TBX21: variants seen among roughly 807,000 people sequenced by gnomAD.
TBX21 encodes the protein T-box transcription factor TBX21.
A neutral mutation model predicts 52.2 loss-of-function variants in TBX21; 11 were observed. That is an observed-to-expected ratio of 0.21 (90% confidence interval 0.13 to 0.35). TBX21 has a LOEUF of 0.35. Among genes scored for constraint, TBX21 ranks in the 10% least tolerant of loss-of-function variants. The pLI is 1.00. For missense variants in TBX21, 625 were observed against 755.1 expected (o/e 0.83, Z 2.02); for synonymous variants, 300 against 316.1 (o/e 0.95, Z 0.54).
In TBX21 at chr17:47,733,653, C is replaced by A. The variant is rs2032167921; in HGVS notation, c.199C>A (p.Pro67Thr). ...CCCGGGGGGCGCCTTGGTGCCCGCCCCGCCGAGCCGCTTCCTTGGAGCCTA... is the reference window on the plus strand; with the variant it reads ...CCCGGGGGGCGCCTTGGTGCCCGCCACGCCGAGCCGCTTCCTTGGAGCCTA... ...PYPGGALVPA[P>T]PSRFLGAYAY... is the part of the protein sequence containing the mutation. Residue 67 changes from proline to threonine, a missense_variant, in exon 1 of 6, where the codon CCG becomes ACG. Pro to Thr is a conservative substitution (Grantham distance 38, BLOSUM62 -1). Around this residue, in one of 4 missense-constraint regions of TBX21, gnomAD observed 221 missense variants for 204.9 expected, o/e 1.08. Transcript: ENST00000177694. This position sits in a 1 kb window ranked among gnomAD's most constrained non-coding sequence, Gnocchi z 6.6. 1 of 1,451,034 alleles carries A rather than the reference C, an allele frequency of 6.9e-7. No individual in the cohort carries two copies. The highest frequency in any genetic ancestry group is 3.0e-5 in the East Asian group (1 of 32,808). The allele number at this position is 1,451,034 out of a possible 1,614,324, so 89.9% of individuals were successfully genotyped here.
intron 1 of TBX21, among the ~76,000 whole-genome samples, chr17:47,737,244 G>A (rs188548420): frequency 9.6e-4 from 146 of 152,268 alleles, no homozygotes; most frequent in African/African-American, 3.5e-3. Context: ...ATGTGTTGGC[G>A]AGTATATAAT....
chr17:47,741,924 A>T (rs559659832), intron 1 of TBX21, among the ~76,000 whole-genome samples: 23 of 152,334 alleles, frequency 1.5e-4, no homozygotes, highest in Admixed American at 1.4e-3. Context: ...CATGTGAGTC[A>T]TTGAACACAG....
Position 47,745,231 on chromosome 17 carries a change from A to G in TBX21, c.1473A>G (p.Gly491=), listed in dbSNP as rs779674937. 6.2e-7 allele frequency: 1 copy of G among 1,614,208 alleles called. No homozygotes were observed. The highest frequency in any genetic ancestry group is 8.5e-7 in the Non-Finnish European group (1 of 1,180,008). The change falls in exon 6 of 6, where the codon GGA becomes GGG. Residue 491 remains glycine, a synonymous_variant. Transcript: ENST00000177694. ...TCCGGCCGGAATCCAGTGATTCAGG[A>G]CTGGGCGAAGGAGACTCTAAGAGGA... ...APIRPESSDS[G]LGEGDSKRRR...
chr17:47,745,406 G>C lies in TBX21; in HGVS notation c.*40G>C. 1 of 1,538,136 alleles carries C rather than the reference G, an allele frequency of 6.5e-7. No individual in the cohort carries two copies. The highest frequency in any genetic ancestry group is 8.7e-7 in the Non-Finnish European group (1 of 1,144,984). ...GAAAGGAACAGAAACAGTGTTATTA[G>C]GTTGGAGGACACCGACTAATTTGGG... On this transcript the variant is annotated 3_prime_UTR_variant, in exon 6 of 6. Coordinates refer to ENST00000177694, the MANE Select transcript of TBX21 (RefSeq NM_013351.2).
rs912062714 is a variant in TBX21 at position 47,742,989 on chromosome 17, G to A, written c.647-82G>A. The A allele has an allele frequency of 9.5e-6, 15 of 1,574,012 alleles. No individual in the cohort carries two copies. The highest frequency in any genetic ancestry group is 5.9e-5 in the South Asian group (5 of 84,652). ...GTCCTCCCCCTGTGTCCTTCCTTAC[G>A]TCCCTCTCGGGACAGGCAAAGCCCT... is the stretch of plus-strand genomic sequence containing the variant. On this transcript the variant is annotated intron_variant, in intron 2 of 5. Coordinates refer to ENST00000177694, the MANE Select transcript of TBX21 (RefSeq NM_013351.2). This position sits in a 1 kb window ranked among gnomAD's most constrained non-coding sequence, Gnocchi z 4.4.
intron 3 of TBX21, 60 bp downstream of exon 3, chr17:47,743,252 C>G (rs2032287856): frequency 6.3e-7 from 1 of 1,599,460 alleles, no homozygotes; most frequent in South Asian, 1.1e-5. Flanking sequence ...TCTGAGACCT[C>G]CAAGGCCACA....
At chr17:47,741,208 G>C (rs1348039319) in intron 1 of TBX21, among the ~76,000 whole-genome samples, 1 of 151,926 alleles carries the variant, frequency 6.6e-6, no homozygotes, top group Non-Finnish European at 1.5e-5. Flanking sequence ...GCTGTAGATG[G>C]TGGTGCCCGT....
rs1567921851 is a variant in TBX21 at position 47,744,974 on chromosome 17, C to T, written c.1216C>T (p.Pro406Ser). The T allele has an allele frequency of 2.5e-6, 4 of 1,613,724 alleles. No homozygotes were observed. The highest frequency in any genetic ancestry group is 1.7e-5 in the Admixed American group (1 of 60,012). ...TGAGTTTCGAGCAGTCAGCATGAAG[C>T]CTGCATTCTTGCCCTCTGCCCCTGG... ...EAEFRAVSMK[P>S]AFLPSAPGPT... Residue 406 changes from proline to serine, a missense_variant, in exon 6 of 6, where the codon CCT becomes TCT. This residue lies in a region of TBX21 where 261 missense variants were observed against 275.1 expected (regional missense o/e 0.95). Coordinates refer to ENST00000177694, the MANE Select transcript of TBX21 (RefSeq NM_013351.2).
chr17:47,739,371 G>A (rs1367081936), intron 1 of TBX21, among the ~76,000 whole-genome samples: 1 of 151,660 alleles, frequency 6.6e-6, no homozygotes, highest in Non-Finnish European at 1.5e-5. Context: ...CTATAACCCC[G>A]CTCGGGTGAC....
In TBX21 at chr17:47,742,273, G is replaced by C. The variant is rs2032274656; in HGVS notation, c.492-337G>C. ...TTGTTGTACTTTTTAGTAGAGACGG[G>C]GTTTCGCCATGTTGGCCAGGCTGGT... is the stretch of plus-strand genomic sequence containing the variant. On this transcript the variant is annotated intron_variant, in intron 1 of 5. Coordinates refer to ENST00000177694, the MANE Select transcript of TBX21 (RefSeq NM_013351.2). The surrounding 1 kb of genome is among the most constrained non-coding windows in gnomAD (Gnocchi z 4.4). 6.6e-6 allele frequency among the ~76,000 whole-genome samples: 1 copy of C among 152,044 alleles called. No individual in the cohort carries two copies. The highest frequency in any genetic ancestry group is 6.6e-5 in the Admixed American group (1 of 15,262).
At chr17:47,743,528 T>A (rs2032291697) in intron 3 of TBX21, among the ~76,000 whole-genome samples, 1 of 152,150 alleles carries the variant, frequency 6.6e-6, no homozygotes, top group Admixed American at 6.5e-5. Flanking sequence ...GGCACAGAGT[T>A]GGCCCTGTGG....
intron 1 of TBX21, among the ~76,000 whole-genome samples, chr17:47,734,554 G>GGTGTGTGTGTGTGTGTGTGTGTGT (rs55690005): frequency 1.6e-4 from 16 of 102,980 alleles, no homozygotes; most frequent in African/African-American, 2.4e-4. Flanking sequence ...TCATATGTCT[G>GGTGTGTGTGTGTGTGTGTGTGTGT]GTGTGTGTGT....
Position 47,744,731 on chromosome 17 carries a change from C to T in TBX21, c.990-17C>T, listed in dbSNP as rs1210150003. 5 of 1,603,024 alleles carry T rather than the reference C, an allele frequency of 3.1e-6. No homozygotes were observed. In the African/African-American group the frequency reaches 4.0e-5, roughly 13 times the overall value. ...TTCTGCTTGTGACCCGTTTTCTTGCCTTCTATTTTTTTCTAGCATGTACAC... is the reference window on the plus strand; with the variant it reads ...TTCTGCTTGTGACCCGTTTTCTTGCTTTCTATTTTTTTCTAGCATGTACAC... On this transcript the variant is annotated splice_polypyrimidine_tract_variant and intron_variant, in intron 5 of 5. Transcript: ENST00000177694.
Position 47,745,355 on chromosome 17 carries a change from T to G in TBX21, c.1597T>G (p.Phe533Val), listed in dbSNP as rs778447042. The stretch of plus-strand genomic sequence containing the variant: ...AGCTGAAGGACAGTTTTATAACTAT[T>G]TTCCCAACTGAGCAGATGACATGAT... ...KEAEGQFYNY[F>V]PN The change falls in exon 6 of 6, where the codon TTT becomes GTT. Residue 533 changes from phenylalanine to valine, a missense_variant. Around this residue, in one of 4 missense-constraint regions of TBX21, gnomAD observed 261 missense variants for 275.1 expected, o/e 0.95. Transcript: ENST00000177694. 3.8e-6 allele frequency: 6 copies of G among 1,599,916 alleles called. No individual in the cohort carries two copies.
At chr17:47,734,019 C>T in intron 1 of TBX21, 74 bp downstream of exon 1, 1 of 1,603,124 alleles carries the variant, frequency 6.2e-7, no homozygotes, top group Non-Finnish European at 8.5e-7. Context: ...GTTTTTCTGG[C>T]TCGACAATGC....
rs893725387 is a variant in TBX21 at position 47,733,381 on chromosome 17, C to G, written c.-74C>G. The G allele has an allele frequency of 7.2e-7, 1 of 1,395,930 alleles. No individual in the cohort carries two copies. The highest frequency in any genetic ancestry group is 9.2e-7 in the Non-Finnish European group (1 of 1,081,252). 86.5% of individuals were successfully genotyped at this position (1,395,930 alleles called of 1,614,324 possible). On this transcript the variant is annotated 5_prime_UTR_variant, in exon 1 of 6. Coordinates refer to ENST00000177694, the MANE Select transcript of TBX21 (RefSeq NM_013351.2). This position sits in a 1 kb window ranked among gnomAD's most constrained non-coding sequence, Gnocchi z 6.6. ...CCCCGCCCCCTGCTCCCTGCCCATC[C>G]CAGCCCACGCGACCCTCTCGCGCGC...
rs1289687933 is a variant in TBX21, at chr17:47,745,261, C to A, written c.1503C>A (p.Arg501=). 6.2e-7 allele frequency: 1 copy of A among 1,614,216 alleles called. No homozygotes were observed. The change falls in exon 6 of 6, where the codon CGC becomes CGA. Residue 501 remains arginine (R), a synonymous_variant. Transcript: ENST00000177694. ...GCGAAGGAGACTCTAAGAGGAGGCGCGTGTCCCCCTATCCTTCCAGTGGTG... is the reference window on the plus strand; with the variant it reads ...GCGAAGGAGACTCTAAGAGGAGGCGAGTGTCCCCCTATCCTTCCAGTGGTG... ...GLGEGDSKRR[R]VSPYPSSGDS... is the part of the protein sequence containing the mutation.
chr17:47,734,575 GT>G (rs2032182999), intron 1 of TBX21, among the ~76,000 whole-genome samples: 13 of 127,116 alleles, frequency 1.0e-4, no homozygotes, highest in South Asian at 3.0e-4. Context: ...GTGTGTGTGT[GT>G]GTGTGTGTGT....
Position 47,744,784 on chromosome 17 carries a change from G to T in TBX21, c.1026G>T (p.Pro342=), listed in dbSNP as rs12721469. 1.2e-6 allele frequency: 2 copies of T among 1,613,784 alleles called. No homozygotes were observed. The highest frequency in any genetic ancestry group is 1.1e-5 in the South Asian group (1 of 91,084). The part of the protein sequence containing the change: ...YTSVDTSIPS[P]PGPNCQFLGG... ...CTGTTGACACCAGCATCCCCTCCCCGCCTGGACCCAACTGTCAATTCCTTG... is the reference window on the plus strand; with the variant it reads ...CTGTTGACACCAGCATCCCCTCCCCTCCTGGACCCAACTGTCAATTCCTTG... The change falls in exon 6 of 6, where the codon CCG becomes CCT. Residue 342 remains proline (P), a synonymous_variant. Coordinates refer to ENST00000177694, the MANE Select transcript of TBX21 (RefSeq NM_013351.2).
Sources: gnomAD v4.1 joint callset for allele counts (sites outside exome capture counted in the v4.1 genomes callset) on GRCh38, gnomAD v4.1.1 for gene constraint, gnomAD v4.1.1 regional missense constraint, Gnocchi (gnomAD v3.1) non-coding constraint, MANE v1.5 for transcripts, NCBI Gene and HGNC (gene_info 2026-07-23, HGNC 2026-07-21) for gene names.